Variants in DCAF1 observed in about 807,000 individuals in gnomAD.
DCAF1 encodes the protein DDB1- and CUL4-associated factor 1.
Under a neutral mutation model 128.0 loss-of-function variants are expected in DCAF1, and 15 were observed. The ratio of observed to expected loss-of-function variants is 0.12; its 90% CI spans 0.08 to 0.18. DCAF1 has a LOEUF of 0.18. DCAF1 is among the 10% of genes least tolerant of loss of function. The pLI, the probability that DCAF1 is intolerant of heterozygous loss-of-function variation, is 1.00. For synonymous variants in DCAF1, 610 were observed against 603.0 expected (o/e 1.01, Z -0.17); for missense variants, 988 against 1,649.5 (o/e 0.60, Z 6.95).
intron 13 of DCAF1, among the ~76,000 whole-genome samples, chr3:51,423,063 G>A (rs1169192221): frequency 6.6e-6 from 1 of 151,182 alleles, no homozygotes. Flanking sequence ...GTGAGAGCCT[G>A]TCTCGAAAAA....
At chr3:51,413,707 G>A (rs1698632967) in intron 20 of DCAF1, among the ~76,000 whole-genome samples, 1 of 152,148 alleles carries the variant, frequency 6.6e-6, no homozygotes, top group African/African-American at 2.4e-5. Context: ...GGAAAATACT[G>A]CATGAAATTT....
chr3:51,453,713 G>GC (rs1702582736), intron 6 of DCAF1, among the ~76,000 whole-genome samples: 1 of 152,206 alleles, frequency 6.6e-6, no homozygotes, highest in African/African-American at 2.4e-5. Context: ...AGCACTTTGG[G>GC]AGGCCAAGGC....
intron 23 of DCAF1, among the ~76,000 whole-genome samples, chr3:51,406,903 C>G (rs2090153238): frequency 6.6e-6 from 1 of 152,162 alleles, no homozygotes; most frequent in Non-Finnish European, 1.5e-5. Context: ...TGCCTTTTAC[C>G]TACACTTTGG....
intron 23 of DCAF1, among the ~76,000 whole-genome samples, chr3:51,410,529 C>T (rs1698305544): frequency 5.2e-5 from 1 of 19,326 alleles, no homozygotes; most frequent in East Asian, 1.7e-3. Flanking sequence ...CAACAAAACA[C>T]TCTTGCTTAG....
chr3:51,410,044 C>T (rs1553627910), intron 23 of DCAF1, among the ~76,000 whole-genome samples: 3 of 152,226 alleles, frequency 2.0e-5, no homozygotes. Flanking sequence ...TCCTCTCACC[C>T]ATGAAACCAA....
chr3:51,441,475 A>G lies in DCAF1; in HGVS notation c.936T>C (p.Ile312=), dbSNP rs1701349115. 2 of 1,614,016 alleles carry G rather than the reference A, an allele frequency of 1.2e-6. No individual in the cohort carries two copies. Among genetic ancestry groups the G allele is most frequent in the Non-Finnish European group, 1.7e-6 (2 of 1,179,892 alleles). The change falls in exon 8 of 25, where the codon ATT becomes ATC. Residue 312 remains isoleucine, a synonymous_variant. Transcript: ENST00000684031. Reference sequence around the variant, plus strand: ...TAGGATAAAGGGTATAATTGGTGCCAATCACCCAGGGAGACATTTCTGACC... The same window carrying G: ...TAGGATAAAGGGTATAATTGGTGCCGATCACCCAGGGAGACATTTCTGACC... ...SSWSEMSPWV[I]GTNYTLYPMT...
intron 6 of DCAF1, among the ~76,000 whole-genome samples, chr3:51,454,676 T>G (rs1408292619): frequency 3.4e-5 from 5 of 148,098 alleles, no homozygotes; most frequent in African/African-American, 1.3e-4. Flanking sequence ...AATTTTTGTT[T>G]TGTTTTGTTT....
At chr3:51,441,264 T>A (rs1701332601) in intron 8 of DCAF1, 121 bp downstream of exon 8, 1 of 1,343,780 alleles carries the variant, frequency 7.4e-7, no homozygotes, top group Non-Finnish European at 1.0e-6. Context: ...AACAGTTTCA[T>A]GCAAACCCTT....
chr3:51,480,450 CTGGGCGTGCGTGGTGG>C (rs1382306644), intron 3 of DCAF1, among the ~76,000 whole-genome samples: 1 of 151,684 alleles, frequency 6.6e-6, no homozygotes, highest in Non-Finnish European at 1.5e-5. Flanking sequence ...CAAAAATAAG[CTGGGCGTGCGTGGTGG>C]TGGGCGCCTG....
intron 4 of DCAF1, among the ~76,000 whole-genome samples, chr3:51,469,270 G>A (rs1310837855): frequency 1.3e-5 from 1 of 74,616 alleles, no homozygotes; most frequent in Non-Finnish European, 2.4e-5. Context: ...TGCTCTTCTT[G>A]TCCAGGCTGG....
intron 6 of DCAF1, among the ~76,000 whole-genome samples, chr3:51,447,530 G>A (rs1427397609): frequency 6.6e-6 from 1 of 152,006 alleles, no homozygotes; most frequent in Non-Finnish European, 1.5e-5. Context: ...ATTTCTTTGT[G>A]CCCTTTTTCC....
intron 4 of DCAF1, among the ~76,000 whole-genome samples, chr3:51,468,005 G>A (rs898609019): frequency 6.6e-6 from 1 of 152,178 alleles, no homozygotes; most frequent in Non-Finnish European, 1.5e-5. Context: ...CCTGGGTCAG[G>A]GTGACGGGGG....
intron 9 of DCAF1, among the ~76,000 whole-genome samples, chr3:51,433,636 A>G (rs1700568254): frequency 1.3e-5 from 2 of 151,210 alleles, no homozygotes; most frequent in African/African-American, 4.8e-5. Flanking sequence ...TAATTTTTGT[A>G]TTTTTTAGTA....
At chr3:51,482,884 C>T (rs1240267387) in intron 3 of DCAF1, among the ~76,000 whole-genome samples, 1 of 151,198 alleles carries the variant, frequency 6.6e-6, no homozygotes, top group Non-Finnish European at 1.5e-5. Flanking sequence ...CACCTGTAAT[C>T]CCAGCACTTT....
intron 3 of DCAF1, 94 bp downstream of exon 3, chr3:51,483,609 TTGTGTGTGTGTGTGTG>T (rs57475291): frequency 3.8e-5 from 18 of 475,754 alleles, no homozygotes; most frequent in Non-Finnish European, 6.3e-5. Flanking sequence ...TTAAACTAGT[TTGTGTGTGTGTGTGTG>T]TGTGTGTGTG....
At chr3:51,457,182 G>A (rs1412032533) in intron 6 of DCAF1, among the ~76,000 whole-genome samples, 2 of 152,214 alleles carry the variant, frequency 1.3e-5, no homozygotes, top group East Asian at 1.9e-4. Flanking sequence ...TTAGACAAAT[G>A]GATAACTAGA....
intron 2 of DCAF1, 80 bp from the exon 3 acceptor site, chr3:51,483,916 G>A: frequency 4.2e-6 from 4 of 958,202 alleles, no homozygotes; most frequent in Non-Finnish European, 6.6e-6. Flanking sequence ...GGGTAGAAAA[G>A]GACGAGAAGG....
chr3:51,449,029 C>T (rs549287080), intron 6 of DCAF1, among the ~76,000 whole-genome samples: 8 of 151,852 alleles, frequency 5.3e-5, no homozygotes, highest in Non-Finnish European at 7.4e-5. Flanking sequence ...TAGAAATCAA[C>T]AATATCGCAA....
chr3:51,414,184 C>T, intron 19 of DCAF1, 141 bp from the exon 20 acceptor site: 1 of 1,147,760 alleles, frequency 8.7e-7, no homozygotes, highest in East Asian at 2.8e-5. Context: ...AAAACAAATA[C>T]ATGTAGAATG....
Sources: allele counts gnomAD v4.1 joint callset (sites outside exome capture counted in the v4.1 genomes callset), GRCh38; gene constraint gnomAD v4.1.1; transcripts MANE v1.5; gene names NCBI Gene and HGNC (gene_info 2026-07-23, HGNC 2026-07-21).